The following PCDHA7 variants were observed in gnomAD, a reference collection of about 807,000 sequenced individuals.
PCDHA7 encodes protocadherin alpha-7.
A neutral mutation model predicts 57.2 loss-of-function variants in PCDHA7; 37 were observed. The ratio of observed to expected loss-of-function variants is 0.65; its 90% CI spans 0.50 to 0.85. The LOEUF is 0.85. Among genes scored for constraint, PCDHA7 ranks in the 40% least tolerant of loss-of-function variants. PCDHA7 has a pLI of 0.00. For synonymous variants in PCDHA7, 553 were observed against 558.8 expected (o/e 0.99, Z 0.15); for missense variants, 1,188 against 1,241.8 (o/e 0.96, Z 0.65).
chr5:140,933,694 C>A lies in PCDHA7; in HGVS notation c.2356-45255C>A, dbSNP rs782754431. On this transcript the variant is annotated intron_variant, in intron 1 of 3. Coordinates refer to ENST00000525929, the MANE Select transcript of PCDHA7 (RefSeq NM_018910.3). ...CTCTCACATTTTTTTTCCTATTCCT[C>A]GGACACATTTACTGAGATTGGTGAT... 5.3e-5 allele frequency among the ~76,000 whole-genome samples: 8 copies of A among 151,858 alleles called. No homozygotes were observed. In the South Asian group the frequency reaches 1.7e-3, roughly 31 times the overall value.
chr5:140,871,644 C>A, intron 1 of PCDHA7: 2 of 1,286,330 alleles, frequency 1.6e-6, no homozygotes, highest in Non-Finnish European at 2.1e-6. Flanking sequence ...CATAAAATAC[C>A]AAATGATACA....
At chr5:140,842,314 G>A (rs1777869139) in intron 1 of PCDHA7, 6 of 1,607,200 alleles carry the variant, frequency 3.7e-6, no homozygotes, top group Non-Finnish European at 5.1e-6. Flanking sequence ...CTCCCATGGC[G>A]GGTCATTGCA....
chr5:140,883,330 T>G, intron 1 of PCDHA7: 3 of 1,614,182 alleles, frequency 1.9e-6, no homozygotes, highest in Middle Eastern at 1.6e-4. Flanking sequence ...CCATCACTTC[T>G]TTGTCACTCC....
At chr5:140,926,772 G>A in intron 1 of PCDHA7, 1 of 1,380,738 alleles carries the variant, frequency 7.2e-7, no homozygotes, top group Non-Finnish European at 9.4e-7. Context: ...CCAGCCCGCA[G>A]CAGTGACGGC....
intron 1 of PCDHA7, chr5:140,837,222 G>A (rs1385766412): frequency 1.3e-5 from 2 of 152,114 alleles, no homozygotes; most frequent in Admixed American, 6.6e-5. Context: ...TGAATTTTAA[G>A]CATTTCTTTT....
intron 1 of PCDHA7, among the ~76,000 whole-genome samples, chr5:140,920,911 G>C (rs1290667252): frequency 6.6e-6 from 1 of 150,718 alleles, no homozygotes; most frequent in African/African-American, 2.4e-5. Context: ...TCTCAAATCA[G>C]TTCCAAGAGT....
chr5:141,008,346 C>T lies in PCDHA7; in HGVS notation c.2504-1281C>T, dbSNP rs1223206383. Among the ~76,000 whole-genome samples the T allele has an allele frequency of 2.0e-5, 3 of 152,158 alleles. No homozygotes were observed. The East Asian group carries it at 5.8e-4, about 29-fold the overall frequency. On this transcript the variant is annotated intron_variant, in intron 3 of 3. Coordinates refer to ENST00000525929, the MANE Select transcript of PCDHA7 (RefSeq NM_018910.3). ...ACAGTTTATTTGATGGAGCTTTTCA[C>T]GTGTCAACCAAAGGAGCAGTGTTAG...
intron 3 of PCDHA7, among the ~76,000 whole-genome samples, chr5:140,998,569 G>GT (rs71574497): frequency 0.37 from 55,088 of 149,258 alleles, 10,597 homozygotes; most frequent in African/African-American, 0.48. Flanking sequence ...TTGTAAATAA[G>GT]TTTTTTTTTT....
rs150205860 is a variant in PCDHA7 at position 140,883,142 on chromosome 5, G to T, written c.2355+46404G>T. The T allele has an allele frequency of 3.1e-6, 5 of 1,613,886 alleles. No individual in the cohort carries two copies. In the African/African-American group the frequency reaches 6.7e-5, roughly 22 times the overall value. On this transcript the variant is annotated intron_variant, in intron 1 of 3. Transcript: ENST00000525929. ...GCCTGTATGGCCTGCAGTGGTATAT[G>T]CATTTACCATAAATCCGAACAATGG...
At chr5:140,943,332 A>G (rs2093478817) in intron 1 of PCDHA7, among the ~76,000 whole-genome samples, 1 of 151,830 alleles carries the variant, frequency 6.6e-6, no homozygotes, top group Non-Finnish European at 1.5e-5. Flanking sequence ...TGTAGTATCC[A>G]TTGGACAGGA....
intron 3 of PCDHA7, among the ~76,000 whole-genome samples, chr5:140,984,877 C>A (rs1178230954): frequency 1.3e-5 from 2 of 151,944 alleles, no homozygotes; most frequent in Non-Finnish European, 2.9e-5. Flanking sequence ...TATTGAGTTA[C>A]CATGAGAACT....
At chr5:140,860,671 T>A (rs1339790199) in intron 1 of PCDHA7, 1 of 152,218 alleles carries the variant, frequency 6.6e-6, no homozygotes, top group Non-Finnish European at 1.5e-5. Context: ...TGAAATCAAA[T>A]GCACTTATGT....
At chr5:141,003,087 G>A (rs894210434) in intron 3 of PCDHA7, among the ~76,000 whole-genome samples, 4 of 152,198 alleles carry the variant, frequency 2.6e-5, no homozygotes, top group Non-Finnish European at 5.9e-5. Flanking sequence ...AGTTTAACAG[G>A]CCTGGCATTT....
Position 141,011,486 on chromosome 5 carries a change from T to C in PCDHA7, c.*1549T>C, listed in dbSNP as rs887081256. ...GAATGTAATTCCATTATATTTCCTT[T>C]TGTACACCTGTGAAAAAGTGGAGTA... is the stretch of plus-strand genomic sequence containing the variant. On this transcript the variant is annotated 3_prime_UTR_variant, in exon 4 of 4. Coordinates refer to ENST00000525929, the MANE Select transcript of PCDHA7 (RefSeq NM_018910.3). 15 of 153,928 alleles carry C rather than the reference T, an allele frequency of 9.7e-5. No homozygotes were observed. Among genetic ancestry groups the C allele is most frequent in the African/African-American group, 2.9e-4 (12 of 41,596 alleles). The allele number at this position is 153,928 out of a possible 1,614,324, so 9.5% of individuals were successfully genotyped here.
chr5:140,850,783 G>T, intron 1 of PCDHA7: 1 of 1,598,172 alleles, frequency 6.3e-7, no homozygotes, highest in Non-Finnish European at 8.6e-7. Context: ...TCTGGCGAGG[G>T]TAAGCAGAAG....
chr5:140,927,609 C>T (rs1285751413), intron 1 of PCDHA7: 1 of 1,614,076 alleles, frequency 6.2e-7, no homozygotes, highest in Admixed American at 1.7e-5. Flanking sequence ...CCGTATACCG[C>T]ACCAAGGTTC....
chr5:140,966,947 G>C (rs782439197), intron 1 of PCDHA7: 2 of 1,603,404 alleles, frequency 1.2e-6, no homozygotes, highest in East Asian at 2.2e-5. Flanking sequence ...CGTGGGCAAC[G>C]TGGCTCGCGC....
At chr5:140,927,123 C>T (rs2083865957) in intron 1 of PCDHA7, 1 of 1,613,986 alleles carries the variant, frequency 6.2e-7, no homozygotes, top group Non-Finnish European at 8.5e-7. Context: ...ATTTGGTGGT[C>T]AGAGAGCCGG....
At chr5:140,996,098 A>G (rs1173929406) in intron 3 of PCDHA7, among the ~76,000 whole-genome samples, 1 of 152,214 alleles carries the variant, frequency 6.6e-6, no homozygotes, top group Non-Finnish European at 1.5e-5. Context: ...ATTACATGGA[A>G]TGGTATGGAA....
Sources: allele counts gnomAD v4.1 joint callset (sites outside exome capture counted in the v4.1 genomes callset), GRCh38; gene constraint gnomAD v4.1.1; transcripts MANE v1.5; gene names NCBI Gene and HGNC (gene_info 2026-07-23, HGNC 2026-07-21).